IMMP2L: variants seen among roughly 807,000 people sequenced by gnomAD.
The protein encoded by IMMP2L is mitochondrial inner membrane protease subunit 2.
In IMMP2L, 18 loss-of-function variants were observed where a neutral mutation model predicts 19.3. The ratio of observed to expected loss-of-function variants is 0.93; its 90% CI spans 0.64 to 1.38. The LOEUF (loss-of-function observed/expected upper bound fraction) is 1.38, where lower values mean the gene tolerates loss of function less well. Ranked by LOEUF, IMMP2L falls within the 40% of genes most tolerant of loss-of-function variation. The probability of loss-of-function intolerance (pLI) is 0.00; values close to 1 mark genes in which losing one functional copy is unlikely to be tolerated. For missense variants in IMMP2L, 233 were observed against 218.2 expected (o/e 1.07, Z -0.43); for synonymous variants, 76 against 73.0 (o/e 1.04, Z -0.21).
chr7:111,184,834 A>C (rs1808092846), intron 3 of IMMP2L, among the ~76,000 whole-genome samples: 1 of 152,086 alleles, frequency 6.6e-6, no homozygotes, highest in Admixed American at 6.6e-5. Flanking sequence ...TATTCAATGC[A>C]TAGAAACCAC....
At chr7:110,991,114 T>C (rs1822405237) in intron 3 of IMMP2L, among the ~76,000 whole-genome samples, 3 of 152,112 alleles carry the variant, frequency 2.0e-5, no homozygotes, top group Admixed American at 1.3e-4. Context: ...ACCACATCAT[T>C]TAGGATGATC....
chr7:111,109,538 C>A (rs1798945822), intron 3 of IMMP2L, among the ~76,000 whole-genome samples: 1 of 152,094 alleles, frequency 6.6e-6, no homozygotes, highest in Admixed American at 6.6e-5. Context: ...CTTTATTACA[C>A]AGAGCTCACA....
At chr7:111,126,264 T>C (rs1393248259) in intron 3 of IMMP2L, among the ~76,000 whole-genome samples, 3 of 152,184 alleles carry the variant, frequency 2.0e-5, no homozygotes, top group South Asian at 2.1e-4. Flanking sequence ...ATTTACTATA[T>C]TGAAACATGG....
chr7:110,800,462 C>T (rs1266818006), intron 5 of IMMP2L, among the ~76,000 whole-genome samples: 1 of 152,000 alleles, frequency 6.6e-6, no homozygotes, highest in Non-Finnish European at 1.5e-5. Context: ...AGAAAATATG[C>T]AGATACACAT....
intron 3 of IMMP2L, among the ~76,000 whole-genome samples, chr7:111,020,922 T>C (rs1826211717): frequency 6.6e-6 from 1 of 152,188 alleles, no homozygotes; most frequent in Non-Finnish European, 1.5e-5. Context: ...CAAAGGGATC[T>C]AAAAAAAGTG....
At chr7:111,019,452 C>A (rs1240416605) in intron 3 of IMMP2L, among the ~76,000 whole-genome samples, 1 of 152,078 alleles carries the variant, frequency 6.6e-6, no homozygotes, top group Non-Finnish European at 1.5e-5. Flanking sequence ...ACAACCCCAC[C>A]CTCCTGGGAG....
chr7:111,265,516 G>C (rs1366121026), intron 3 of IMMP2L, among the ~76,000 whole-genome samples: 1 of 152,144 alleles, frequency 6.6e-6, no homozygotes, highest in Admixed American at 6.5e-5. Context: ...GATGGGGTGA[G>C]CAAGGACAAA....
At chr7:111,463,821 G>A (rs1274136795) in intron 3 of IMMP2L, among the ~76,000 whole-genome samples, 1 of 152,104 alleles carries the variant, frequency 6.6e-6, no homozygotes, top group African/African-American at 2.4e-5. Context: ...TGTACCGTCT[G>A]TTTCTCACCA....
chr7:110,739,885 C>A (rs12154396), intron 5 of IMMP2L, among the ~76,000 whole-genome samples: 83,255 of 151,904 alleles, frequency 0.55, 24,628 homozygotes, highest in East Asian at 0.81. Context: ...AGTGGAATAA[C>A]ATTGGAAATC....
intron 3 of IMMP2L, among the ~76,000 whole-genome samples, chr7:111,410,845 A>G (rs1458105741): frequency 6.6e-6 from 1 of 151,802 alleles, no homozygotes; most frequent in Non-Finnish European, 1.5e-5. Flanking sequence ...ATTATTTTAA[A>G]CAAAGTATGA....
At chr7:111,180,513 C>G in intron 3 of IMMP2L, among the ~76,000 whole-genome samples, 1 of 152,008 alleles carries the variant, frequency 6.6e-6, no homozygotes, top group South Asian at 2.1e-4. Flanking sequence ...TTACTAATCA[C>G]AGATCACTAC....
At chr7:110,916,169 T>G (rs569309103) in intron 4 of IMMP2L, among the ~76,000 whole-genome samples, 3 of 152,322 alleles carry the variant, frequency 2.0e-5, no homozygotes, top group African/African-American at 7.2e-5. Flanking sequence ...GATTTAGTCA[T>G]GCGAAAGTAA....
In IMMP2L at chr7:110,857,641, C is replaced by G. The variant is rs888254753; in HGVS notation, c.408+28952G>C. ...CAACAATCTGTATTTTTAACAAGAA[C>G]TTTATTAGTCTTATGAGTACTCAAA... On this transcript the variant is annotated intron_variant, in intron 5 of 5. Coordinates refer to ENST00000405709, the MANE Select transcript of IMMP2L (RefSeq NM_032549.4). Among the ~76,000 whole-genome samples the G allele has an allele frequency of 2.0e-5, 3 of 151,990 alleles. No individual in the cohort carries two copies. The East Asian group carries it at 5.8e-4, about 29-fold the overall frequency.
chr7:111,344,267 C>T (rs1827315242), intron 3 of IMMP2L, among the ~76,000 whole-genome samples: 1 of 152,156 alleles, frequency 6.6e-6, no homozygotes, highest in Non-Finnish European at 1.5e-5. Context: ...TGGCCTCCTC[C>T]AGATCTTGCA....
chr7:111,556,557 A>G (rs1043361606), intron 1 of IMMP2L, among the ~76,000 whole-genome samples: 1 of 152,074 alleles, frequency 6.6e-6, no homozygotes, highest in Non-Finnish European at 1.5e-5. Flanking sequence ...CTTTACCCAC[A>G]GCACGATAGC....
At chr7:111,376,875 G>T (rs1439613641) in intron 3 of IMMP2L, among the ~76,000 whole-genome samples, 5 of 152,028 alleles carry the variant, frequency 3.3e-5, no homozygotes, top group Admixed American at 2.6e-4. Context: ...GCATATTAGT[G>T]GTTGCTAGGG....
intron 4 of IMMP2L, among the ~76,000 whole-genome samples, chr7:110,929,531 C>G (rs748837510): frequency 1.3e-5 from 2 of 152,072 alleles, no homozygotes; most frequent in Non-Finnish European, 2.9e-5. Flanking sequence ...AAAGAAGTTG[C>G]TTTCTGTTCA....
chr7:110,864,173 T>C (rs778641265), intron 5 of IMMP2L, among the ~76,000 whole-genome samples: 9 of 152,252 alleles, frequency 5.9e-5, no homozygotes, highest in East Asian at 3.9e-4. Flanking sequence ...ATTATACTTA[T>C]GATAAAAAGA....
intron 5 of IMMP2L, among the ~76,000 whole-genome samples, chr7:110,702,851 TAA>T (rs1388874625): frequency 7.2e-5 from 11 of 152,278 alleles, no homozygotes; most frequent in Admixed American, 2.0e-4. Flanking sequence ...ATCATGTTTT[TAA>T]AACTTTTACT....
Sources: gnomAD v4.1 joint callset for allele counts (sites outside exome capture counted in the v4.1 genomes callset) on GRCh38, gnomAD v4.1.1 for gene constraint, MANE v1.5 for transcripts, NCBI Gene and HGNC (gene_info 2026-07-23, HGNC 2026-07-21) for gene names.